The following ADAM18 variants were observed in gnomAD, a reference collection of about 807,000 sequenced individuals.
ADAM18 encodes the protein ADAM metallopeptidase domain 18.
ADAM18 carries 117 observed loss-of-function variants against 94.4 expected under a neutral mutation model. The observed-to-expected ratio is 1.24, with a 90% CI of 1.07 to 1.45. ADAM18 has a LOEUF of 1.45. ADAM18 is among the 40% of genes most tolerant of loss of function. The pLI is 0.00. For missense variants in ADAM18, 936 were observed against 880.0 expected, an observed-to-expected ratio of 1.06 and a Z score of -0.81; for synonymous variants, 327 against 291.6, an observed-to-expected ratio of 1.12 and a Z score of -1.24.
Position 39,585,260 on chromosome 8 carries a change from C to G in ADAM18, c.56-16C>G. Reference sequence around the variant, plus strand: ...TGCAAAACAAAGACAAAAACAAACACATTTTCTTACTGCAGGTTCTGAAGG... The same window carrying G: ...TGCAAAACAAAGACAAAAACAAACAGATTTTCTTACTGCAGGTTCTGAAGG... On this transcript the variant is annotated splice_polypyrimidine_tract_variant and intron_variant, in intron 1 of 19. Transcript: ENST00000265707. 6.2e-7 allele frequency: 1 copy of G among 1,604,344 alleles called. No homozygotes were observed. Among genetic ancestry groups the G allele is most frequent in the Non-Finnish European group, 8.5e-7 (1 of 1,172,844 alleles).
intron 6 of ADAM18, among the ~76,000 whole-genome samples, chr8:39,625,503 A>G (rs891204112): frequency 3.3e-5 from 5 of 151,808 alleles, no homozygotes; most frequent in African/African-American, 4.8e-5. Flanking sequence ...TTGACTTTCT[A>G]TTTTCCAATT....
At chr8:39,677,321 T>C (rs1821326568) in intron 14 of ADAM18, 110 bp from the exon 15 acceptor site, 2 of 839,572 alleles carry the variant, frequency 2.4e-6, no homozygotes, top group Non-Finnish European at 3.7e-6. Context: ...AACAAAAGCA[T>C]GATCAACAAG....
At chr8:39,602,522 C>T (rs527442535) in intron 2 of ADAM18, among the ~76,000 whole-genome samples, 34 of 152,202 alleles carry the variant, frequency 2.2e-4, no homozygotes. Context: ...CTGCCACACT[C>T]TTGTGTACCT....
chr8:39,620,609 A>C (rs979226901), intron 6 of ADAM18, among the ~76,000 whole-genome samples: 147 of 147,030 alleles, frequency 1.0e-3, no homozygotes, highest in African/African-American at 3.1e-3. Context: ...TTATATAACA[A>C]TTTATATATT....
Position 39,584,571 on chromosome 8 carries a change from G to A in ADAM18, c.-52G>A, listed in dbSNP as rs1245941072. 1.2e-6 allele frequency: 2 copies of A among 1,603,596 alleles called. No individual in the cohort carries two copies. Among genetic ancestry groups the A allele is most frequent in the Admixed American group, 1.7e-5 (1 of 59,996 alleles). On this transcript the variant is annotated 5_prime_UTR_variant, in exon 1 of 20. Transcript: ENST00000265707. ...CCGAGAGCCTGCCCGCGAGCTCAAC[G>A]CTGCTCAACGGTCTCTGTCCTTGGC...
In ADAM18 at chr8:39,642,079, G is replaced by A. The variant is rs949172196; in HGVS notation, c.910-3259G>A. On this transcript the variant is annotated intron_variant, in intron 10 of 19. Coordinates refer to ENST00000265707, the MANE Select transcript of ADAM18 (RefSeq NM_014237.3). ...TTCTTCTTTTGAAAAATGCCTGTTC[G>A]TGTCCTTTGCCCAATTTTTATGGAG... is the stretch of plus-strand genomic sequence containing the variant. 8.6e-5 allele frequency among the ~76,000 whole-genome samples: 13 copies of A among 151,942 alleles called. No individual in the cohort carries two copies. In the East Asian group the frequency reaches 1.2e-3, roughly 14 times the overall value.
intron 18 of ADAM18, among the ~76,000 whole-genome samples, chr8:39,714,801 A>G (rs1284422288): frequency 6.6e-6 from 1 of 152,128 alleles, no homozygotes; most frequent in South Asian, 2.1e-4. Flanking sequence ...ACATACAATG[A>G]AACCATCTTT....
chr8:39,651,776 C>T (rs985024027), intron 12 of ADAM18, among the ~76,000 whole-genome samples: 1 of 152,166 alleles, frequency 6.6e-6, no homozygotes, highest in Non-Finnish European at 1.5e-5. Context: ...TAAGAAACCA[C>T]ATAAGACCTT....
chr8:39,608,952 A>G (rs1396395418), intron 3 of ADAM18, 90 bp from the exon 4 acceptor site: 3 of 750,964 alleles, frequency 4.0e-6, no homozygotes, highest in Admixed American at 6.4e-5. Context: ...AGCTAATTAA[A>G]TCGTGTTATA....
intron 18 of ADAM18, 25 bp downstream of exon 18, chr8:39,706,929 G>A (rs781458392): frequency 7.5e-7 from 1 of 1,334,482 alleles, no homozygotes; most frequent in South Asian, 1.2e-5. Context: ...GTTTTCTAAA[G>A]CAAAATAGAA....
rs367659431 is a variant in ADAM18 at position 39,603,117 on chromosome 8, A to G, written c.133-3190A>G. On this transcript the variant is annotated intron_variant, in intron 2 of 19. Transcript: ENST00000265707. ...ACATCCAATTGTTCTATCACCGTCA[A>G]TTGAAATGACGACCCTTTCTCCATT... is the stretch of plus-strand genomic sequence containing the variant. Among the ~76,000 whole-genome samples the G allele has an allele frequency of 2.0e-5, 3 of 152,220 alleles. No homozygotes were observed. In the South Asian group the frequency reaches 6.2e-4, roughly 31 times the overall value.
chr8:39,705,711 T>C (rs1172798587), intron 17 of ADAM18, among the ~76,000 whole-genome samples: 1 of 152,186 alleles, frequency 6.6e-6, no homozygotes, highest in Non-Finnish European at 1.5e-5. Context: ...TTTTGATATG[T>C]AGAAAAGAGG....
chr8:39,648,370 G>A lies in ADAM18; in HGVS notation c.1073G>A (p.Ser358Asn), dbSNP rs777130625. 4 of 1,592,978 alleles carry A rather than the reference G, an allele frequency of 2.5e-6. No homozygotes were observed. The highest frequency in any genetic ancestry group is 3.6e-5 in the Admixed American group (2 of 55,714). ...AGTGCCAGTGGTAGAAAGATTTTTA[G>A]CAACTGCAGCATGCACGACTATAGA... ...AVSASGRKIFSNCSMHDYRYF... is the reference protein window; with the variant it reads ...AVSASGRKIFNNCSMHDYRYF... Residue 358 changes from serine (S) to asparagine (N), a missense_variant, in exon 12 of 20, where the codon AGC (serine) becomes AAC (asparagine). Ser to Asn is a conservative substitution (Grantham distance 46, BLOSUM62 1). Coordinates refer to ENST00000265707, the MANE Select transcript of ADAM18 (RefSeq NM_014237.3).
intron 17 of ADAM18, among the ~76,000 whole-genome samples, chr8:39,694,930 A>G (rs1441814626): frequency 2.6e-5 from 4 of 151,506 alleles, no homozygotes; most frequent in Admixed American, 6.6e-5. Flanking sequence ...CACTGTGCTA[A>G]GAATGCCCTG....
chr8:39,616,422 A>T (rs996429446), intron 6 of ADAM18, among the ~76,000 whole-genome samples: 1 of 152,164 alleles, frequency 6.6e-6, no homozygotes, highest in African/African-American at 2.4e-5. Context: ...AAAGAAAAAA[A>T]ATTGTTAAAA....
chr8:39,649,145 A>T (rs1208847723), intron 12 of ADAM18, among the ~76,000 whole-genome samples: 1 of 152,040 alleles, frequency 6.6e-6, no homozygotes, highest in Non-Finnish European at 1.5e-5. Flanking sequence ...TATTTCAATA[A>T]AGTTTCTTCA....
intron 14 of ADAM18, 34 bp from the exon 15 acceptor site, chr8:39,677,397 A>G: frequency 6.6e-7 from 1 of 1,504,234 alleles, no homozygotes; most frequent in African/African-American, 1.4e-5. Context: ...TCATATTAAG[A>G]ATGATAATTC....
intron 16 of ADAM18, among the ~76,000 whole-genome samples, chr8:39,689,879 G>A (rs1390458400): frequency 6.6e-6 from 1 of 152,088 alleles, no homozygotes; most frequent in Non-Finnish European, 1.5e-5. Flanking sequence ...TCTTTGAGCA[G>A]CGTTTTGTAG....
intron 6 of ADAM18, among the ~76,000 whole-genome samples, chr8:39,615,987 T>C (rs1370657736): frequency 6.6e-6 from 1 of 152,086 alleles, no homozygotes; most frequent in Non-Finnish European, 1.5e-5. Context: ...TCTAGGAATA[T>C]AGATAATCAG....
Sources: allele counts gnomAD v4.1 joint callset (sites outside exome capture counted in the v4.1 genomes callset), GRCh38; gene constraint gnomAD v4.1.1; transcripts MANE v1.5; gene names NCBI Gene and HGNC (gene_info 2026-07-23, HGNC 2026-07-21).